LRRC1: variants seen among roughly 807,000 people sequenced by gnomAD.
LRRC1 encodes the protein leucine rich repeat containing 1.
In LRRC1, 28 loss-of-function variants were observed where a neutral mutation model predicts 69.9. That is an observed-to-expected ratio of 0.40 (90% CI 0.30 to 0.55). The LOEUF is 0.55. Ranked by LOEUF, LRRC1 falls within the 20% of genes least tolerant of loss-of-function variation. The pLI is 0.47. For synonymous variants in LRRC1, 236 were observed against 240.2 expected, an observed-to-expected ratio of 0.98 and a Z score of 0.16; for missense variants, 498 against 609.0, an observed-to-expected ratio of 0.82 and a Z score of 1.92.
chr6:53,795,427 G>A lies in LRRC1; in HGVS notation c.159+12G>A. On this transcript the variant is annotated intron_variant, in intron 1 of 13. Coordinates refer to ENST00000370888, the MANE Select transcript of LRRC1 (RefSeq NM_018214.5). The stretch of plus-strand genomic sequence containing the variant: ...GCGAGCTGCCCGAGGTAAGGGTCCG[G>A]CCTCACCTGAGCGCTCTGCCCGCTC... 6.2e-7 allele frequency: 1 copy of A among 1,606,288 alleles called. No individual in the cohort carries two copies. Among genetic ancestry groups the A allele is most frequent in the Non-Finnish European group, 8.5e-7 (1 of 1,178,214 alleles).
At position 53,873,545 on chromosome 6, in the gene LRRC1, C is replaced by T. The variant is rs149444994; in HGVS notation, c.278-5448C>T. 6.1e-3 allele frequency among the ~76,000 whole-genome samples: 915 copies of T among 151,044 alleles called. 4 individuals are homozygous for T. The highest frequency in any genetic ancestry group is 0.014 in the Middle Eastern group (4 of 288). On this transcript the variant is annotated intron_variant, in intron 2 of 13. Transcript: ENST00000370888. The stretch of plus-strand genomic sequence containing the variant: ...TGATCTCCTGACCCCGTGATCTGCC[C>T]GCCTCAGCCTCCCAAAGCGCTGGGA...
At chr6:53,867,405 T>C (rs1205668311) in intron 2 of LRRC1, among the ~76,000 whole-genome samples, 4 of 151,228 alleles carry the variant, frequency 2.6e-5, no homozygotes, top group Non-Finnish European at 5.9e-5. Context: ...TGCTAAACTA[T>C]AGATTTCATG....
intron 4 of LRRC1, among the ~76,000 whole-genome samples, chr6:53,886,081 A>T (rs1767466136): frequency 6.6e-6 from 1 of 152,208 alleles, no homozygotes; most frequent in African/African-American, 2.4e-5. Context: ...GTTTGAAAAA[A>T]ATTATACATA....
At chr6:53,907,321 T>G (rs921471989) in intron 10 of LRRC1, among the ~76,000 whole-genome samples, 13 of 152,232 alleles carry the variant, frequency 8.5e-5, no homozygotes, top group African/African-American at 3.1e-4. Flanking sequence ...TGGTATGCTG[T>G]GTAGTTCTTC....
chr6:53,920,864 C>A, intron 13 of LRRC1, 103 bp downstream of exon 13: 1 of 1,334,664 alleles, frequency 7.5e-7, no homozygotes, highest in Non-Finnish European at 1.0e-6. Context: ...ATGTTCTCTG[C>A]TTTGCCTTCA....
At chr6:53,886,800 C>A (rs1420056742) in intron 4 of LRRC1, among the ~76,000 whole-genome samples, 2 of 152,170 alleles carry the variant, frequency 1.3e-5, no homozygotes, top group East Asian at 1.9e-4. Context: ...CCCAGACTTG[C>A]AGGTTGTACT....
intron 1 of LRRC1, among the ~76,000 whole-genome samples, chr6:53,817,821 A>G (rs1001877501): frequency 2.0e-5 from 3 of 152,144 alleles, no homozygotes; most frequent in Admixed American, 2.0e-4. Flanking sequence ...TTGTATCCCT[A>G]GAATCTAGGG....
chr6:53,900,020 GTTTTTTTTTTTTTTTTTTTTT>G (rs869246243), intron 8 of LRRC1, 129 bp downstream of exon 8: 2 of 190,432 alleles, frequency 1.1e-5, no homozygotes, highest in Admixed American at 9.1e-5. Context: ...TCTCCTTACT[GTTTTTTTTTTTTTTTTTTTTT>G]TTTTTTTTTT....
At chr6:53,908,855 C>T (rs1470719222) in intron 10 of LRRC1, among the ~76,000 whole-genome samples, 2 of 152,048 alleles carry the variant, frequency 1.3e-5, no homozygotes, top group African/African-American at 4.8e-5. Flanking sequence ...CACACAAGAA[C>T]AAATAGAAAT....
chr6:53,804,785 A>T (rs1764591486), intron 1 of LRRC1, among the ~76,000 whole-genome samples: 1 of 152,230 alleles, frequency 6.6e-6, no homozygotes, highest in Non-Finnish European at 1.5e-5. Context: ...TATTTGCTGA[A>T]TCAATGGATA....
intron 1 of LRRC1, among the ~76,000 whole-genome samples, chr6:53,835,625 G>T (rs1581862646): frequency 6.6e-6 from 1 of 152,160 alleles, no homozygotes; most frequent in East Asian, 1.9e-4. Flanking sequence ...AACCAAACTA[G>T]TTCTTTCAGT....
chr6:53,922,030 A>T (rs896843360), intron 13 of LRRC1, among the ~76,000 whole-genome samples: 1 of 152,224 alleles, frequency 6.6e-6, no homozygotes, highest in Non-Finnish European at 1.5e-5. Context: ...AACATATTAA[A>T]TAATATTTTA....
At chr6:53,859,129 G>A (rs932214289) in intron 2 of LRRC1, among the ~76,000 whole-genome samples, 1 of 152,042 alleles carries the variant, frequency 6.6e-6, no homozygotes, top group Non-Finnish European at 1.5e-5. Context: ...CAAACCATGT[G>A]GACAAAGCTG....
intron 4 of LRRC1, among the ~76,000 whole-genome samples, chr6:53,894,962 C>T (rs1210180673): frequency 1.3e-5 from 2 of 148,798 alleles, no homozygotes; most frequent in South Asian, 2.1e-4. Flanking sequence ...GATGGAGTCT[C>T]GCTCTGTCGC....
At chr6:53,891,861 G>A (rs557368287) in intron 4 of LRRC1, among the ~76,000 whole-genome samples, 1 of 151,928 alleles carries the variant, frequency 6.6e-6, no homozygotes, top group African/African-American at 2.4e-5. Context: ...GTGTGGTGGT[G>A]CATGCCTGTA....
At chr6:53,885,274 T>A (rs771859588) in intron 4 of LRRC1, among the ~76,000 whole-genome samples, 7 of 152,218 alleles carry the variant, frequency 4.6e-5, no homozygotes, top group Non-Finnish European at 7.3e-5. Flanking sequence ...TGTACTACAT[T>A]TAAAGCAAAT....
At chr6:53,877,800 A>G (rs1237003182) in intron 2 of LRRC1, among the ~76,000 whole-genome samples, 1 of 152,148 alleles carries the variant, frequency 6.6e-6, no homozygotes, top group Admixed American at 6.5e-5. Flanking sequence ...GGAAGTTCCA[A>G]ACTTTCCCAC....
chr6:53,901,841 G>T (rs1035553676), intron 8 of LRRC1, among the ~76,000 whole-genome samples: 5 of 152,228 alleles, frequency 3.3e-5, no homozygotes, highest in African/African-American at 1.2e-4. Flanking sequence ...ATCTTGCCCT[G>T]TGGCTGCACC....
chr6:53,837,402 C>A, intron 1 of LRRC1, among the ~76,000 whole-genome samples: 1 of 151,936 alleles, frequency 6.6e-6, no homozygotes, highest in East Asian at 1.9e-4. Flanking sequence ...ACCAAAAAGG[C>A]AGTCTAGGTT....
Sources: gnomAD v4.1 joint callset for allele counts (sites outside exome capture counted in the v4.1 genomes callset) on GRCh38, gnomAD v4.1.1 for gene constraint, MANE v1.5 for transcripts, NCBI Gene and HGNC (gene_info 2026-07-23, HGNC 2026-07-21) for gene names.